The following SEC14L4 variants were observed in gnomAD, a reference collection of about 807,000 sequenced individuals.
The protein encoded by SEC14L4 is SEC14 like lipid binding 4, also known as SEC14-like protein 4.
Under a neutral mutation model 55.1 loss-of-function variants are expected in SEC14L4, and 42 were observed. The ratio of observed to expected loss-of-function variants is 0.76; its 90% CI spans 0.60 to 0.99. SEC14L4 has a LOEUF of 0.99. SEC14L4 is among the 50% of genes least tolerant of loss of function. The probability of loss-of-function intolerance (pLI) is 0.00; values close to 1 mark genes in which losing one functional copy is unlikely to be tolerated. For synonymous variants in SEC14L4, 206 were observed against 206.8 expected (o/e 1.00, Z 0.03); for missense variants, 445 against 512.1 (o/e 0.87, Z 1.27).
In SEC14L4 at chr22:30,489,930, C is replaced by T; in HGVS notation, c.*177G>A. 2 of 1,551,944 alleles carry T rather than the reference C, an allele frequency of 1.3e-6. No individual in the cohort carries two copies. The highest frequency in any genetic ancestry group is 2.4e-5 in the East Asian group (1 of 40,918). On this transcript the variant is annotated 3_prime_UTR_variant, in exon 12 of 12. Coordinates refer to ENST00000255858, the MANE Select transcript of SEC14L4 (RefSeq NM_174977.4). The stretch of plus-strand genomic sequence containing the variant: ...CTGAATCTTCAGCATGGGCTATGCA[C>T]TGGTGGCCCCTTCCTGCTTGGCCAC...
rs1007181065 is a variant in SEC14L4, at chr22:30,495,384, A to C, written c.293T>G (p.Val98Gly). 2 of 1,614,112 alleles carry C rather than the reference A, an allele frequency of 1.2e-6. No homozygotes were observed. The highest frequency in any genetic ancestry group is 1.7e-6 in the Non-Finnish European group (2 of 1,180,016). Residue 98 changes from valine to glycine, a missense_variant, in exon 5 of 12, where the codon GTG (valine) becomes GGG (glycine). Val to Gly is a moderately radical substitution (Grantham distance 109). Transcript: ENST00000255858. Reference protein sequence around the residue: ...LCGYDYEGCPVYFNIIGSLDP... With the variant: ...LCGYDYEGCPGYFNIIGSLDP... Reference sequence around the variant, plus strand: ...GAGGGACCCAATGATGTTGAAGTACACAGGGCAGCCTTCGTAGTCGTAGCC... The same window carrying C: ...GAGGGACCCAATGATGTTGAAGTACCCAGGGCAGCCTTCGTAGTCGTAGCC...
Position 30,501,567 on chromosome 22 carries a change from C to A in SEC14L4, c.130+2110G>T, listed in dbSNP as rs184768038. Among the ~76,000 whole-genome samples, 708 of 152,076 alleles carry A rather than the reference C, an allele frequency of 4.7e-3. 15 individuals are homozygous for A. The highest frequency in any genetic ancestry group is 0.016 in the African/African-American group (677 of 41,472). Reference sequence around the variant, plus strand: ...CACAGCCAAGGGGGCTTAAGGAGGGCAAGATGACTAAATATAATGTGGGAT... The same window carrying A: ...CACAGCCAAGGGGGCTTAAGGAGGGAAAGATGACTAAATATAATGTGGGAT... On this transcript the variant is annotated intron_variant, in intron 2 of 11. Transcript: ENST00000255858.
rs373959559 is a variant in SEC14L4 at position 30,492,106 on chromosome 22, A to G, written c.714T>C (p.Pro238=). 6.9e-5 allele frequency: 111 copies of G among 1,613,802 alleles called. No homozygotes were observed. The highest frequency in any genetic ancestry group is 2.8e-4 in the Admixed American group (17 of 60,004). Residue 238 remains proline, a synonymous_variant, in exon 9 of 12, where the codon CCT becomes CCC. Transcript: ENST00000255858. Reference sequence around the variant, plus strand: ...CAGTCATGGTCCCCCCAAACTCCACAGGCAGCTGGTCGGGGCTGATGAATT... The same window carrying G: ...CAGTCATGGTCCCCCCAAACTCCACGGGCAGCTGGTCGGGGCTGATGAATT... ...LTKFISPDQL[P]VEFGGTMTDP...
At chr22:30,498,386 C>A (rs1269784745) in intron 2 of SEC14L4, among the ~76,000 whole-genome samples, 1 of 152,126 alleles carries the variant, frequency 6.6e-6, no homozygotes, top group Non-Finnish European at 1.5e-5. Flanking sequence ...CAGGTGTGAG[C>A]CACCATGCCC....
chr22:30,499,896 GTC>G (rs374230359), intron 2 of SEC14L4, among the ~76,000 whole-genome samples: 5 of 150,174 alleles, frequency 3.3e-5, no homozygotes, highest in African/African-American at 1.2e-4. Context: ...TTGAGACAGA[GTC>G]TCTCTCTGTT....
chr22:30,493,769 C>T (rs1318402667), intron 7 of SEC14L4, among the ~76,000 whole-genome samples: 3 of 152,126 alleles, frequency 2.0e-5, no homozygotes, highest in African/African-American at 4.8e-5. Flanking sequence ...TGTGGGAGGC[C>T]GAAGTGGCTG....
At position 30,489,078 on chromosome 22, in the gene SEC14L4, G is replaced by A. The variant is rs948052952; in HGVS notation, c.*1029C>T. 5 of 152,364 alleles carry A rather than the reference G, an allele frequency of 3.3e-5. No individual in the cohort carries two copies. The highest frequency in any genetic ancestry group is 1.2e-4 in the African/African-American group (5 of 41,374). 9.4% of individuals were successfully genotyped at this position (152,364 alleles called of 1,614,324 possible). On this transcript the variant is annotated 3_prime_UTR_variant, in exon 12 of 12. Transcript: ENST00000255858. ...GCCAAGAGAACCAAAGCTAAATGTTGGCAGGATCACAGCAGGTGTGGAGGG... is the reference window on the plus strand; with the variant it reads ...GCCAAGAGAACCAAAGCTAAATGTTAGCAGGATCACAGCAGGTGTGGAGGG...
In SEC14L4 at chr22:30,491,919, G is replaced by T; in HGVS notation, c.826C>A (p.Leu276Met). Residue 276 changes from leucine (L) to methionine (M), a missense_variant, in exon 10 of 12, where the codon CTG becomes ATG. Transcript: ENST00000255858. Reference protein sequence around the residue: ...KSYYLCEQVRLQYEHTRSVGR... With the variant: ...KSYYLCEQVRMQYEHTRSVGR... ...ACGGACCTCGTGTGCTCATACTGCA[G>T]CCTCACCTGCTCGCACAGGTAGTAG... 6.2e-7 allele frequency: 1 copy of T among 1,613,942 alleles called. No individual in the cohort carries two copies. Among genetic ancestry groups the T allele is most frequent in the Non-Finnish European group, 8.5e-7 (1 of 1,180,008 alleles).
Position 30,490,262 on chromosome 22 carries a change from G to A in SEC14L4, c.1082-16C>T, listed in dbSNP as rs1435743487. 1.2e-6 allele frequency: 2 copies of A among 1,611,370 alleles called. No individual in the cohort carries two copies. The highest frequency in any genetic ancestry group is 2.2e-5 in the East Asian group (1 of 44,886). ...CGCAGGACATCTGCAGTGATGGAGA[G>A]GTGATCAGGGAGCACAAACCCCGCA... On this transcript the variant is annotated splice_polypyrimidine_tract_variant and intron_variant, in intron 11 of 11. Transcript: ENST00000255858.
chr22:30,492,319 T>A, intron 8 of SEC14L4, 155 bp downstream of exon 8: 1 of 1,166,252 alleles, frequency 8.6e-7, no homozygotes, highest in Non-Finnish European at 1.2e-6. Context: ...GCCCACGGTC[T>A]AGGACCCAAG....
chr22:30,494,051 A>G, intron 7 of SEC14L4, 99 bp downstream of exon 7: 1 of 886,108 alleles, frequency 1.1e-6, no homozygotes, highest in East Asian at 2.4e-5. Flanking sequence ...GGTTCTTCAC[A>G]AAGGATGGGT....
Position 30,489,668 on chromosome 22 carries a change from G to A in SEC14L4, c.*439C>T. On this transcript the variant is annotated 3_prime_UTR_variant, in exon 12 of 12. Coordinates refer to ENST00000255858, the MANE Select transcript of SEC14L4 (RefSeq NM_174977.4). ...CACCCCTGCTGACCTCCTACATGCA[G>A]AGAACAGGGCTTCTCTGCTCTTCAG... is the stretch of plus-strand genomic sequence containing the variant. The A allele has an allele frequency of 1.6e-6, 1 of 619,012 alleles. No individual in the cohort carries two copies. Among genetic ancestry groups the A allele is most frequent in the Non-Finnish European group, 2.9e-6 (1 of 347,814 alleles). The allele number at this position is 619,012 out of a possible 1,614,324, so 38.3% of individuals were successfully genotyped here.
intron 1 of SEC14L4, 65 bp downstream of exon 1, chr22:30,505,493 G>A (rs1936459844): frequency 1.4e-6 from 2 of 1,467,430 alleles, no homozygotes; most frequent in Non-Finnish European, 1.9e-6. Context: ...GGCTCCAGCC[G>A]GGTTGGGCAG....
Position 30,494,144 on chromosome 22 carries a change from G to A in SEC14L4, c.580+6C>T. Reference sequence around the variant, plus strand: ...CCCCAGGAGGTCATCCCGGTCATGGGCTTACCTCGAATAACAATTAAATTC... The same window carrying A: ...CCCCAGGAGGTCATCCCGGTCATGGACTTACCTCGAATAACAATTAAATTC... On this transcript the variant is annotated splice_donor_region_variant and intron_variant, in intron 7 of 11. Transcript: ENST00000255858. 2 of 1,610,526 alleles carry A rather than the reference G, an allele frequency of 1.2e-6. No individual in the cohort carries two copies. Among genetic ancestry groups the A allele is most frequent in the East Asian group, 2.2e-5 (1 of 44,868 alleles).
At chr22:30,495,722 A>C in intron 3 of SEC14L4, 80 bp from the exon 4 acceptor site, 1 of 1,611,742 alleles carries the variant, frequency 6.2e-7, no homozygotes, top group Non-Finnish European at 8.5e-7. Flanking sequence ...CACAGCCACC[A>C]AGATCCCACC....
intron 2 of SEC14L4, among the ~76,000 whole-genome samples, chr22:30,497,455 A>G (rs1050358116): frequency 2.0e-5 from 3 of 151,662 alleles, no homozygotes; most frequent in Admixed American, 2.0e-4. Context: ...AACCCAGGAG[A>G]AGGAAGCTGC....
intron 2 of SEC14L4, among the ~76,000 whole-genome samples, chr22:30,499,169 TCCTGAG>T (rs1425927336): frequency 1.3e-5 from 2 of 151,930 alleles, no homozygotes; most frequent in African/African-American, 4.8e-5. Flanking sequence ...GGTCTTGATC[TCCTGAG>T]CCACCGCGCC....
intron 2 of SEC14L4, among the ~76,000 whole-genome samples, chr22:30,501,673 T>C (rs1241451861): frequency 6.6e-6 from 1 of 152,072 alleles, no homozygotes; most frequent in Admixed American, 6.6e-5. Flanking sequence ...GTATCCATAT[T>C]GGTTTATTAA....
At chr22:30,496,568 C>CCCG (rs1936158988) in intron 2 of SEC14L4, among the ~76,000 whole-genome samples, 1 of 151,698 alleles carries the variant, frequency 6.6e-6, no homozygotes, top group African/African-American at 2.4e-5. Flanking sequence ...GACACCCCCC[C>CCCG]CCACCACCTG....
Sources: allele counts gnomAD v4.1 joint callset (sites outside exome capture counted in the v4.1 genomes callset), GRCh38; gene constraint gnomAD v4.1.1; transcripts MANE v1.5; gene names NCBI Gene and HGNC (gene_info 2026-07-23, HGNC 2026-07-21).